RMST: variants seen among roughly 807,000 people sequenced by gnomAD.
RMST encodes the protein long intergenic non-protein coding RNA 54.
chr12:97,541,431 AG>A (rs1882508856), intron 11 of RMST: 1 of 151,816 alleles, frequency 6.6e-6, no homozygotes, highest in Non-Finnish European at 1.5e-5. Flanking sequence ...ATTTAACTAT[AG>A]GGCACAGAAA....
At chr12:97,526,671 C>A (rs1458828507) in intron 10 of RMST, among the ~76,000 whole-genome samples, 1 of 152,066 alleles carries the variant, frequency 6.6e-6, no homozygotes, top group East Asian at 1.9e-4. Flanking sequence ...TATAAGTATA[C>A]ATTTAATTCT....
chr12:97,559,430 C>T (rs1307592001), intron 11 of RMST, among the ~76,000 whole-genome samples: 1 of 152,162 alleles, frequency 6.6e-6, no homozygotes, highest in East Asian at 1.9e-4. Flanking sequence ...CACTTACTGT[C>T]AGAGCTGCAG....
intron 10 of RMST, among the ~76,000 whole-genome samples, chr12:97,498,330 G>C (rs1185705879): frequency 1.3e-5 from 2 of 152,166 alleles, no homozygotes; most frequent in South Asian, 2.1e-4. Context: ...GGTTGAACCA[G>C]AATTGGACTG....
rs117669099 is a variant in RMST at position 97,536,962 on chromosome 12, G to C, written n.1545+6103G>C. On this transcript the variant is annotated intron_variant and non_coding_transcript_variant, in intron 11 of 13. Coordinates refer to ENST00000640149, the Ensembl canonical transcript of RMST. ...AATATTTAATCAAAATGATCAGTTT[G>C]GTTTATGTTTGGAGAGAGAGAGAGG... Among the ~76,000 whole-genome samples, 329 of 151,410 alleles carry C rather than the reference G, an allele frequency of 2.2e-3. 3 individuals are homozygous for C. In the East Asian group the frequency reaches 0.054, roughly 25 times the overall value.
At chr12:97,547,970 T>C (rs1883056749) in intron 11 of RMST, among the ~76,000 whole-genome samples, 1 of 152,062 alleles carries the variant, frequency 6.6e-6, no homozygotes, top group South Asian at 2.1e-4. Flanking sequence ...ATTTATTACC[T>C]ACACCAATGT....
chr12:97,493,985 G>A (rs777458400), exon 8 of RMST: 5 of 152,212 alleles, frequency 3.3e-5, no homozygotes, highest in Admixed American at 6.5e-5. Flanking sequence ...GCCCTGTGCT[G>A]TTCTGTCTCT....
intron 11 of RMST, among the ~76,000 whole-genome samples, chr12:97,538,400 G>A (rs896454915): frequency 1.3e-5 from 2 of 151,304 alleles, no homozygotes; most frequent in Non-Finnish European, 3.0e-5. Flanking sequence ...GAAAGAAAGC[G>A]TTAATCTTTA....
In RMST at chr12:97,524,084, A is replaced by G. The variant is rs1372019827; in HGVS notation, n.1341-6571A>G. 3.2e-3 allele frequency among the ~76,000 whole-genome samples: 451 copies of G among 142,260 alleles called. 22 individuals carry two copies. The highest frequency in any genetic ancestry group is 8.7e-3 in the African/African-American group (325 of 37,408). The allele number at this position is 142,260 out of a possible 152,430, so 93.3% of individuals were successfully genotyped here. ...GAGTGAGACTCTGTCTCAAAAAAAA[A>G]AAAAAAAAAAAAAAAAAAATCACAT... is the stretch of plus-strand genomic sequence containing the variant. On this transcript the variant is annotated intron_variant and non_coding_transcript_variant, in intron 10 of 13. Transcript: ENST00000640149.
At chr12:97,520,417 G>A (rs961145949) in intron 10 of RMST, among the ~76,000 whole-genome samples, 7 of 152,084 alleles carry the variant, frequency 4.6e-5, no homozygotes, top group African/African-American at 1.7e-4. Context: ...AATTGATGGG[G>A]CTCTTTGATC....
At chr12:97,475,730 G>C (rs12305767) in intron 5 of RMST, among the ~76,000 whole-genome samples, 2,762 of 152,082 alleles carry the variant, frequency 0.018, 92 homozygotes, top group African/African-American at 0.064. Context: ...AACACACATA[G>C]TTGTTAAGTA....
At chr12:97,488,863 A>G (rs1455684103) in intron 5 of RMST, among the ~76,000 whole-genome samples, 1 of 152,162 alleles carries the variant, frequency 6.6e-6, no homozygotes, top group African/African-American at 2.4e-5. Flanking sequence ...GGAAATTTCT[A>G]TTTTATGCTC....
At position 97,482,703 on chromosome 12, in the gene RMST, ATAAATTTATATTATTTATTTAT is replaced by A. The variant is rs1457118498; in HGVS notation, n.645-9752_645-9731del. Among the ~76,000 whole-genome samples, 433 of 64,902 alleles carry A rather than the reference ATAAATTTATATTATTTATTTAT, an allele frequency of 6.7e-3. 24 individuals carry two copies. The highest frequency in any genetic ancestry group is 0.036 in the African/African-American group (356 of 9,776). The allele number at this position is 64,902 out of a possible 152,430, so 42.6% of individuals were successfully genotyped here. On this transcript the variant is annotated intron_variant and non_coding_transcript_variant, in intron 5 of 13. Transcript: ENST00000640149. ...AATTTATTTATTATTTATTTAATAAATAAATTTATATTATTTATTTATTAAATAAATTTATATTATTTATTTA... is the reference window on the plus strand; with the variant it reads ...AATTTATTTATTATTTATTTAATAAATAAATAAATTTATATTATTTATTTA...
At chr12:97,480,389 A>T (rs1875131922) in intron 5 of RMST, among the ~76,000 whole-genome samples, 1 of 152,090 alleles carries the variant, frequency 6.6e-6, no homozygotes. Flanking sequence ...TTTCACACTA[A>T]ACGTTTCGTG....
At chr12:97,529,168 C>T (rs979983818) in intron 10 of RMST, among the ~76,000 whole-genome samples, 28 of 152,068 alleles carry the variant, frequency 1.8e-4, no homozygotes, top group Non-Finnish European at 1.5e-5. Flanking sequence ...TTTTTGTCTT[C>T]CCAGGGTGAA....
At chr12:97,527,372 C>A (rs1249563819) in intron 10 of RMST, among the ~76,000 whole-genome samples, 1 of 152,132 alleles carries the variant, frequency 6.6e-6, no homozygotes, top group African/African-American at 2.4e-5. Context: ...CTTCAACAAC[C>A]CATTGTCATT....
intron 9 of RMST, among the ~76,000 whole-genome samples, chr12:97,495,178 G>GT (rs1555230760): frequency 1.1e-4 from 16 of 150,812 alleles, no homozygotes; most frequent in Non-Finnish European, 2.2e-4. Context: ...TATTCTTATG[G>GT]GGGGGGAGCC....
chr12:97,483,115 G>T (rs73384745), intron 5 of RMST, among the ~76,000 whole-genome samples: 2 of 151,956 alleles, frequency 1.3e-5, no homozygotes, highest in Non-Finnish European at 2.9e-5. Context: ...TATCAGACCC[G>T]AATTTTTAGT....
intron 11 of RMST, among the ~76,000 whole-genome samples, chr12:97,537,213 T>A (rs1360607952): frequency 1.3e-5 from 2 of 151,490 alleles, no homozygotes; most frequent in Non-Finnish European, 3.0e-5. Flanking sequence ...AAGATCAAGT[T>A]TGACCAAAAT....
intron 11 of RMST, among the ~76,000 whole-genome samples, chr12:97,543,817 T>A (rs1323708888): frequency 1.3e-5 from 2 of 152,042 alleles, no homozygotes; most frequent in Non-Finnish European, 2.9e-5. Context: ...TCTCATGTTG[T>A]TAAAATGTGG....
Sources: allele counts gnomAD v4.1 joint callset (sites outside exome capture counted in the v4.1 genomes callset), GRCh38; gene constraint gnomAD v4.1.1; transcripts MANE v1.5; gene names NCBI Gene and HGNC (gene_info 2026-07-23, HGNC 2026-07-21).